Variants in PIP5K1C observed in about 807,000 individuals in gnomAD.
PIP5K1C encodes the protein phosphatidylinositol-4-phosphate 5-kinase type 1 gamma.
In PIP5K1C, 45 loss-of-function variants were observed where a neutral mutation model predicts 80.1. The observed-to-expected ratio is 0.56, with a 90% CI of 0.44 to 0.72. The LOEUF is 0.72. PIP5K1C is among the 30% of genes least tolerant of loss of function. PIP5K1C has a pLI of 0.00. For missense variants in PIP5K1C, 753 were observed against 954.6 expected, an observed-to-expected ratio of 0.79 and a Z score of 2.78; for synonymous variants, 498 against 420.1, an observed-to-expected ratio of 1.19 and a Z score of -2.27.
chr19:3,670,597 G>GC (rs1288717943), intron 1 of PIP5K1C, among the ~76,000 whole-genome samples: 3 of 152,220 alleles, frequency 2.0e-5, no homozygotes, highest in African/African-American at 7.2e-5. Flanking sequence ...GCTGCTCCAA[G>GC]CCCCCCAGTC....
At chr19:3,685,419 G>A (rs540075872) in intron 1 of PIP5K1C, among the ~76,000 whole-genome samples, 8 of 152,248 alleles carry the variant, frequency 5.3e-5, no homozygotes, top group African/African-American at 1.9e-4. Context: ...TCCAGGGGCC[G>A]AACACAGCCC....
intron 1 of PIP5K1C, among the ~76,000 whole-genome samples, chr19:3,691,297 G>A (rs1453963373): frequency 1.3e-5 from 2 of 152,206 alleles, no homozygotes; most frequent in East Asian, 1.9e-4. Flanking sequence ...CTGATGCTGC[G>A]TTTTGTTTTC....
chr19:3,661,157 C>T (rs1270790641), intron 4 of PIP5K1C, 74 bp from the exon 5 acceptor site: 2 of 975,766 alleles, frequency 2.0e-6, no homozygotes, highest in Non-Finnish European at 3.3e-6. Flanking sequence ...ATGGTCCCTC[C>T]TAGTGCCTCT....
At chr19:3,683,357 G>GC (rs1457607831) in intron 1 of PIP5K1C, among the ~76,000 whole-genome samples, 4 of 152,190 alleles carry the variant, frequency 2.6e-5, no homozygotes, top group Non-Finnish European at 4.4e-5. Context: ...AAACGGGGTT[G>GC]GATGGGGTCA....
At position 3,696,653 on chromosome 19, in the gene PIP5K1C, C is replaced by T. The variant is rs1034352922; in HGVS notation, c.94+3644G>A. Among the ~76,000 whole-genome samples, 2 of 150,562 alleles carry T rather than the reference C, an allele frequency of 1.3e-5. No homozygotes were observed. The highest frequency in any genetic ancestry group is 3.0e-5 in the Non-Finnish European group (2 of 67,760). ...GCAAAGGCCCCGGGGCAGGACCATG[C>T]CCTGCATGCTGGAGGAACAGCAAGG... On this transcript the variant is annotated intron_variant, in intron 1 of 17. Coordinates refer to ENST00000335312, the MANE Select transcript of PIP5K1C (RefSeq NM_012398.3). This position sits in a 1 kb window ranked among gnomAD's most constrained non-coding sequence, Gnocchi z 4.1.
chr19:3,662,714 C>T (rs867380986), intron 3 of PIP5K1C, among the ~76,000 whole-genome samples: 26 of 152,078 alleles, frequency 1.7e-4, no homozygotes, highest in African/African-American at 4.3e-4. Context: ...TATAGGTGCG[C>T]GCCGTCACGC....
At chr19:3,689,501 T>G (rs545047964) in intron 1 of PIP5K1C, among the ~76,000 whole-genome samples, 60 of 151,910 alleles carry the variant, frequency 3.9e-4, no homozygotes, top group African/African-American at 1.1e-3. Context: ...ATACAAAAAT[T>G]AGCCGGGTGT....
chr19:3,633,603 G>C (rs1345941671), intron 16 of PIP5K1C, 83 bp from the exon 17 acceptor site: 1 of 941,530 alleles, frequency 1.1e-6, no homozygotes, highest in South Asian at 3.0e-5. Flanking sequence ...GGAAGGAAGA[G>C]ACAGGAGAAC....
chr19:3,652,148 T>C (rs2034475627), intron 7 of PIP5K1C, 117 bp from the exon 8 acceptor site: 1 of 872,670 alleles, frequency 1.1e-6, no homozygotes, highest in Non-Finnish European at 1.8e-6. Flanking sequence ...GTGTGAGAGA[T>C]GGAGTCCCAC....
Position 3,639,022 on chromosome 19 carries a change from G to C in PIP5K1C, c.1788-6C>G, listed in dbSNP as rs750464905. On this transcript the variant is annotated splice_region_variant and splice_polypyrimidine_tract_variant and intron_variant, in intron 15 of 17. Transcript: ENST00000335312. Reference sequence around the variant, plus strand: ...CGGCCGGGGAAGCCTCCACCCTGGGGACAGGAGTAGACAGAGGGTCTTGAC... The same window carrying C: ...CGGCCGGGGAAGCCTCCACCCTGGGCACAGGAGTAGACAGAGGGTCTTGAC... 10 of 1,609,250 alleles carry C rather than the reference G, an allele frequency of 6.2e-6. No individual in the cohort carries two copies. The highest frequency in any genetic ancestry group is 2.5e-6 in the Non-Finnish European group (3 of 1,179,860).
rs967791353 is a variant in PIP5K1C, at chr19:3,630,615, G to A, written c.*2552C>T. 1.6e-4 allele frequency: 24 copies of A among 152,756 alleles called. No homozygotes were observed. The highest frequency in any genetic ancestry group is 5.3e-4 in the African/African-American group (22 of 41,550). 9.5% of individuals were successfully genotyped at this position (152,756 alleles called of 1,614,324 possible). On this transcript the variant is annotated 3_prime_UTR_variant, in exon 18 of 18. Transcript: ENST00000335312. ...CATGGCAATGGGAGTATTGCACTGA[G>A]CCAGGTTTCGGGGGAACGGGGACGT...
At chr19:3,674,776 C>CA (rs1250863991) in intron 1 of PIP5K1C, among the ~76,000 whole-genome samples, 39 of 152,358 alleles carry the variant, frequency 2.6e-4, no homozygotes, top group African/African-American at 9.4e-4. Context: ...GCTGCGATGA[C>CA]AGACATGAGC....
chr19:3,663,259 A>G (rs1183451583), intron 3 of PIP5K1C, among the ~76,000 whole-genome samples: 1 of 151,984 alleles, frequency 6.6e-6, no homozygotes, highest in African/African-American at 2.4e-5. Context: ...GCCGGCTCAT[A>G]CCTCCGCTCT....
chr19:3,642,708 A>G (rs530197899), intron 14 of PIP5K1C, among the ~76,000 whole-genome samples, 199 bp downstream of exon 14: 2 of 152,194 alleles, frequency 1.3e-5, no homozygotes, highest in Admixed American at 1.3e-4. Context: ...CACAGACCAG[A>G]GCTGCCCTGG....
chr19:3,638,862 A>G (rs766161626), intron 16 of PIP5K1C, 22 bp downstream of exon 16: 5 of 1,612,864 alleles, frequency 3.1e-6, no homozygotes, highest in Middle Eastern at 1.7e-4. Flanking sequence ...AGCCGGCGGC[A>G]GGAGGAGCCC....
At chr19:3,664,604 A>C (rs962686116) in intron 3 of PIP5K1C, among the ~76,000 whole-genome samples, 1 of 152,194 alleles carries the variant, frequency 6.6e-6, no homozygotes. Flanking sequence ...AGGCTGAGCC[A>C]CAGAACATGC....
intron 9 of PIP5K1C, 97 bp from the exon 10 acceptor site, chr19:3,647,483 C>T (rs2034281084): frequency 3.8e-6 from 4 of 1,049,382 alleles, no homozygotes; most frequent in African/African-American, 1.6e-5. Flanking sequence ...GGACACTGGG[C>T]CATGGCCTCA....
At chr19:3,700,248 C>G in intron 1 of PIP5K1C, 49 bp downstream of exon 1, 5 of 1,054,544 alleles carry the variant, frequency 4.7e-6, no homozygotes, top group Non-Finnish European at 5.8e-6. Context: ...CGACTCTCGG[C>G]GCTCGGACGA....
intron 5 of PIP5K1C, 59 bp from the exon 6 acceptor site, chr19:3,656,616 G>C: frequency 6.3e-7 from 1 of 1,593,358 alleles, no homozygotes; most frequent in South Asian, 1.1e-5. Context: ...AGACAGCACT[G>C]GCTTCCGGTC....
Sources: gnomAD v4.1 joint callset for allele counts (sites outside exome capture counted in the v4.1 genomes callset) on GRCh38, gnomAD v4.1.1 for gene constraint, Gnocchi (gnomAD v3.1) non-coding constraint, MANE v1.5 for transcripts, NCBI Gene and HGNC (gene_info 2026-07-23, HGNC 2026-07-21) for gene names.